The following RABIF variants were observed in gnomAD, a reference collection of about 807,000 sequenced individuals.
RABIF encodes the protein guanine nucleotide exchange factor MSS4.
Under a neutral mutation model 12.3 loss-of-function variants are expected in RABIF, and 13 were observed. The ratio of observed to expected loss-of-function variants is 1.06; its 90% CI spans 0.69 to 1.68. The LOEUF is 1.68. Among genes scored for constraint, RABIF ranks in the 40% most tolerant of loss-of-function variants. RABIF has a pLI of 0.00. For synonymous variants in RABIF, 70 were observed against 63.3 expected (o/e 1.11, Z -0.50); for missense variants, 153 against 158.0 (o/e 0.97, Z 0.17).
intron 1 of RABIF, among the ~76,000 whole-genome samples, chr1:202,887,891 A>C (rs1659587099): frequency 6.6e-6 from 1 of 152,250 alleles, no homozygotes; most frequent in Non-Finnish European, 1.5e-5. Flanking sequence ...CACTGACTCC[A>C]TAATGCCACT....
At chr1:202,887,028 TG>T (rs35866316) in intron 1 of RABIF, among the ~76,000 whole-genome samples, 8,169 of 43,662 alleles carry the variant, frequency 0.19, 344 homozygotes, top group Non-Finnish European at 0.25. Context: ...GGCTATGTTT[TG>T]TTTTTTTTTT....
intron 1 of RABIF, 53 bp downstream of exon 1, chr1:202,888,920 C>A: frequency 6.8e-7 from 1 of 1,460,486 alleles, no homozygotes. Flanking sequence ...CTGACTGCGG[C>A]GGCTCGTCGG....
intron 1 of RABIF, among the ~76,000 whole-genome samples, chr1:202,883,109 TC>T (rs1218173542): frequency 6.6e-6 from 1 of 152,178 alleles, no homozygotes; most frequent in Non-Finnish European, 1.5e-5. Flanking sequence ...CCGCAAAATA[TC>T]ATGCCAGCCA....
At chr1:202,883,979 C>T (rs1659525505) in intron 1 of RABIF, among the ~76,000 whole-genome samples, 1 of 152,114 alleles carries the variant, frequency 6.6e-6, no homozygotes, top group South Asian at 2.1e-4. Flanking sequence ...GCTACAACAT[C>T]CGGAATGTAA....
chr1:202,888,882 C>A, intron 1 of RABIF, 91 bp downstream of exon 1: 1 of 1,419,058 alleles, frequency 7.0e-7, no homozygotes, highest in East Asian at 2.8e-5. Flanking sequence ...GCGCGGTTGC[C>A]GGAAATTGAA....
At chr1:202,886,508 C>T (rs149895330) in intron 1 of RABIF, among the ~76,000 whole-genome samples, 25 of 152,024 alleles carry the variant, frequency 1.6e-4, no homozygotes, top group African/African-American at 5.8e-4. Flanking sequence ...ATCACTTGAA[C>T]CCGGGAGGAG....
At chr1:202,885,090 A>T (rs1463288724) in intron 1 of RABIF, among the ~76,000 whole-genome samples, 1 of 31,072 alleles carries the variant, frequency 3.2e-5, no homozygotes, top group East Asian at 4.3e-4. Context: ...CTATCTCAAA[A>T]AAAAAAAAAA....
Position 202,880,800 on chromosome 1 carries a change from T to C in RABIF, c.*178A>G, listed in dbSNP as rs981430527. The stretch of plus-strand genomic sequence containing the variant: ...CAAAGTGAACTAAGCAGGAGGCATG[T>C]ACTTGAGGCTTTAGGAAGCAGGATT... On this transcript the variant is annotated 3_prime_UTR_variant, in exon 2 of 2. Transcript: ENST00000367262. 5.7e-6 allele frequency: 8 copies of C among 1,402,234 alleles called. No homozygotes were observed. Among genetic ancestry groups the C allele is most frequent in the African/African-American group, 1.4e-5 (1 of 69,538 alleles). The allele number at this position is 1,402,234 out of a possible 1,614,324, so 86.9% of individuals were successfully genotyped here.
chr1:202,886,473 C>A (rs915627525), intron 1 of RABIF, among the ~76,000 whole-genome samples: 1 of 152,074 alleles, frequency 6.6e-6, no homozygotes, highest in Non-Finnish European at 1.5e-5. Flanking sequence ...GTAATCCCAG[C>A]TACTTGGGAA....
chr1:202,888,795 T>G (rs925835201), intron 1 of RABIF, among the ~76,000 whole-genome samples, 178 bp downstream of exon 1: 1 of 152,186 alleles, frequency 6.6e-6, no homozygotes, highest in African/African-American at 2.4e-5. Context: ...GTTCCCTCCC[T>G]AGCCTTCAGC....
At position 202,882,654 on chromosome 1, in the gene RABIF, T is replaced by C. The variant is rs1659507205; in HGVS notation, c.127-1431A>G. 2.8e-5 allele frequency among the ~76,000 whole-genome samples: 4 copies of C among 142,912 alleles called. No individual in the cohort carries two copies. The South Asian group carries it at 9.3e-4, about 33-fold the overall frequency. 93.8% of individuals were successfully genotyped at this position (142,912 alleles called of 152,430 possible). ...AGATAATGAACACATTCATTTCCCCTGGAAGTCTCTTCATGCCACTCCTAC... is the reference window on the plus strand; with the variant it reads ...AGATAATGAACACATTCATTTCCCCCGGAAGTCTCTTCATGCCACTCCTAC... On this transcript the variant is annotated intron_variant, in intron 1 of 1. Coordinates refer to ENST00000367262, the MANE Select transcript of RABIF (RefSeq NM_002871.5).
rs1159978145 is a variant in RABIF at position 202,878,663 on chromosome 1, G to A, written c.*2315C>T. Reference sequence around the variant, plus strand: ...TTGTAAAACAACAGACAATTATGTGGAAACAATCAGGCTTTCACAAAATCA... The same window carrying A: ...TTGTAAAACAACAGACAATTATGTGAAAACAATCAGGCTTTCACAAAATCA... On this transcript the variant is annotated 3_prime_UTR_variant, in exon 2 of 2. Transcript: ENST00000367262. 6.6e-6 allele frequency among the ~76,000 whole-genome samples: 1 copy of A among 152,154 alleles called. No individual in the cohort carries two copies. Among genetic ancestry groups the A allele is most frequent in the Non-Finnish European group, 1.5e-5 (1 of 68,028 alleles).
In RABIF at chr1:202,880,232, G is replaced by A. The variant is rs1659467342; in HGVS notation, c.*746C>T. ...AAGAGAGCCTGAGTAAACAGCCAGG[G>A]CTGGGTTTTCCTTGAATGGCTGCCA... On this transcript the variant is annotated 3_prime_UTR_variant, in exon 2 of 2. Transcript: ENST00000367262. The A allele has an allele frequency of 6.6e-6, 1 of 152,278 alleles. No individual in the cohort carries two copies. 9.4% of individuals were successfully genotyped at this position (152,278 alleles called of 1,614,324 possible).
intron 1 of RABIF, among the ~76,000 whole-genome samples, chr1:202,888,506 T>C (rs1659597858): frequency 6.6e-6 from 1 of 152,152 alleles, no homozygotes; most frequent in Non-Finnish European, 1.5e-5. Context: ...AGACGGTGAA[T>C]TCAGGACTGG....
chr1:202,888,049 G>A (rs1289172652), intron 1 of RABIF, among the ~76,000 whole-genome samples: 2 of 152,160 alleles, frequency 1.3e-5, no homozygotes, highest in East Asian at 1.9e-4. Flanking sequence ...TTTGATGAAA[G>A]GCTGTTTTGG....
rs1004866245 is a variant in RABIF, at chr1:202,879,606, T to C, written c.*1372A>G. 4.6e-5 allele frequency: 7 copies of C among 152,210 alleles called. No homozygotes were observed. Among genetic ancestry groups the C allele is most frequent in the Non-Finnish European group, 8.8e-5 (6 of 68,032 alleles). The allele number at this position is 152,210 out of a possible 1,614,324, so 9.4% of individuals were successfully genotyped here. The stretch of plus-strand genomic sequence containing the variant: ...CTTACTAAAGCTCATTCAGGCTAAT[T>C]GGAGAAGGAAGCCATCTTTCCAGGG... On this transcript the variant is annotated 3_prime_UTR_variant, in exon 2 of 2. Coordinates refer to ENST00000367262, the MANE Select transcript of RABIF (RefSeq NM_002871.5).
At chr1:202,886,837 G>A (rs1320300298) in intron 1 of RABIF, among the ~76,000 whole-genome samples, 1 of 151,118 alleles carries the variant, frequency 6.6e-6, no homozygotes, top group African/African-American at 2.4e-5. Flanking sequence ...GGGTTCAAGC[G>A]ATTCTTGCCC....
chr1:202,889,104 C>T lies in RABIF; in HGVS notation c.-6G>A, dbSNP rs1659612735. 6.9e-6 allele frequency: 11 copies of T among 1,600,852 alleles called. No individual in the cohort carries two copies. Among genetic ancestry groups the T allele is most frequent in the Non-Finnish European group, 9.4e-6 (11 of 1,174,082 alleles). On this transcript the variant is annotated 5_prime_UTR_variant, in exon 1 of 2. Coordinates refer to ENST00000367262, the MANE Select transcript of RABIF (RefSeq NM_002871.5). ...GGCTGCTCCGCTGGTTCCATCGCCG[C>T]TGCCGCCACAGGCTCCTCAGCCACG...
In RABIF at chr1:202,879,742, G is replaced by A. The variant is rs1659460717; in HGVS notation, c.*1236C>T. 2 of 152,116 alleles carry A rather than the reference G, an allele frequency of 1.3e-5. No homozygotes were observed. The highest frequency in any genetic ancestry group is 4.1e-4 in the South Asian group (2 of 4,830). 9.4% of individuals were successfully genotyped at this position (152,116 alleles called of 1,614,324 possible). A position where few individuals can be genotyped will look rare whatever the true frequency, so the allele number is the denominator to read the frequency against. ...GGAAGCAACTAGAAAACAATGGAAG[G>A]GACTTCAGATGGTAAGGTTTCTGTT... On this transcript the variant is annotated 3_prime_UTR_variant, in exon 2 of 2. Coordinates refer to ENST00000367262, the MANE Select transcript of RABIF (RefSeq NM_002871.5).
Sources: gnomAD v4.1 joint callset for allele counts (sites outside exome capture counted in the v4.1 genomes callset) on GRCh38, gnomAD v4.1.1 for gene constraint, MANE v1.5 for transcripts, NCBI Gene and HGNC (gene_info 2026-07-23, HGNC 2026-07-21) for gene names.